ATF7: variants seen among roughly 807,000 people sequenced by gnomAD.
ATF7 encodes the protein activating transcription factor 7.
ATF7 carries 10 observed loss-of-function variants against 50.4 expected under a neutral mutation model. The ratio of observed to expected loss-of-function variants is 0.20; its 90% CI spans 0.12 to 0.34. The LOEUF is 0.34. ATF7 is among the 10% of genes least tolerant of loss of function. The probability of loss-of-function intolerance (pLI) is 1.00; values close to 1 mark genes in which losing one functional copy is unlikely to be tolerated. For synonymous variants in ATF7, 201 were observed against 226.4 expected (o/e 0.89, Z 1.01); for missense variants, 465 against 613.9 (o/e 0.76, Z 2.56).
chr12:53,590,935 T>C (rs1592944128), intron 2 of ATF7, among the ~76,000 whole-genome samples: 1 of 152,308 alleles, frequency 6.6e-6, no homozygotes, highest in South Asian at 2.1e-4. Flanking sequence ...TTCCATATGG[T>C]ATTGTTATAG....
downstream of ATF7, among the ~76,000 whole-genome samples, chr12:53,509,776 G>T (rs917800116): frequency 1.3e-5 from 2 of 152,076 alleles, no homozygotes; most frequent in Non-Finnish European, 2.9e-5. Flanking sequence ...AAAGTGTTGG[G>T]ATTACAGGCG....
At chr12:53,510,211 G>A (rs537221807), downstream of ATF7, among the ~76,000 whole-genome samples, 1 of 151,902 alleles carries the variant, frequency 6.6e-6, no homozygotes, top group East Asian at 1.9e-4. Flanking sequence ...GGCTAGTTTT[G>A]TATTTTTAGT....
At chr12:53,588,115 G>A (rs1481297245) in intron 2 of ATF7, among the ~76,000 whole-genome samples, 1 of 151,994 alleles carries the variant, frequency 6.6e-6, no homozygotes, top group Non-Finnish European at 1.5e-5. Context: ...CTCCCAATGT[G>A]CTGGGATTTC....
At chr12:53,546,262 T>C (rs7972401) in intron 3 of ATF7, among the ~76,000 whole-genome samples, 83,400 of 151,574 alleles carry the variant, frequency 0.55, 23,700 homozygotes, top group East Asian at 0.96. Context: ...GTGGTACATG[T>C]CTGTGATCCT....
chr12:53,532,629 T>C lies in ATF7; in HGVS notation c.661-6A>G. ...ATGGACACAGGTCTGGCCAGCTGGA[T>C]CGAGAGAAGGAAAAAAAAAAAAAGA... On this transcript the variant is annotated splice_polypyrimidine_tract_variant and splice_region_variant and intron_variant, in intron 7 of 11. Transcript: ENST00000420353. 1 of 1,545,484 alleles carries C rather than the reference T, an allele frequency of 6.5e-7. No homozygotes were observed. Among genetic ancestry groups the C allele is most frequent in the Non-Finnish European group, 8.7e-7 (1 of 1,143,626 alleles).
intron 9 of ATF7, among the ~76,000 whole-genome samples, chr12:53,529,502 AT>A (rs1555216801): frequency 2.7e-5 from 4 of 146,338 alleles, no homozygotes; most frequent in African/African-American, 2.5e-5. Context: ...CGCCTGGCTA[AT>A]TTTTTTTGTA....
At chr12:53,535,665 T>C (rs1939178144) in intron 5 of ATF7, among the ~76,000 whole-genome samples, 1 of 152,206 alleles carries the variant, frequency 6.6e-6, no homozygotes, top group African/African-American at 2.4e-5. Context: ...TTAAAAATAG[T>C]ACTTCATGAA....
At chr12:53,539,280 G>C (rs551015536) in intron 4 of ATF7, among the ~76,000 whole-genome samples, 5 of 152,166 alleles carry the variant, frequency 3.3e-5, no homozygotes, top group African/African-American at 1.2e-4. Context: ...AATAAATTGG[G>C]TATAAAATCC....
At chr12:53,525,253 T>C (rs1938374611) in intron 9 of ATF7, among the ~76,000 whole-genome samples, 1 of 152,200 alleles carries the variant, frequency 6.6e-6, no homozygotes, top group Admixed American at 6.5e-5. Flanking sequence ...CTTGGGAGGC[T>C]GAGGCAGGAG....
At position 53,601,106 on chromosome 12, in the gene ATF7, T is replaced by C. The variant is rs1240643331; in HGVS notation, c.-21-85A>G. ...AAAAGTGCTTCAAAAATATCAACCC[T>C]AGAAACAGGTGTTCCACGAATGCCA... On this transcript the variant is annotated intron_variant, in intron 1 of 11. Coordinates refer to ENST00000420353, the MANE Select transcript of ATF7 (RefSeq NM_006856.3). 20 of 980,800 alleles carry C rather than the reference T, an allele frequency of 2.0e-5. No individual in the cohort carries two copies. In the Admixed American group the frequency reaches 5.1e-4, roughly 25 times the overall value. The allele number at this position is 980,800 out of a possible 1,614,324, so 60.8% of individuals were successfully genotyped here. A position where few individuals can be genotyped will look rare whatever the true frequency, so the allele number is the denominator to read the frequency against.
intron 3 of ATF7, among the ~76,000 whole-genome samples, chr12:53,549,812 C>T (rs924449986): frequency 4.6e-5 from 7 of 151,992 alleles, no homozygotes; most frequent in Non-Finnish European, 7.4e-5. Flanking sequence ...TCTCGAACTC[C>T]TGATCTTGTG....
chr12:53,531,447 C>A (rs563961562), intron 9 of ATF7, among the ~76,000 whole-genome samples: 4 of 149,406 alleles, frequency 2.7e-5, no homozygotes, highest in African/African-American at 9.8e-5. Context: ...AAAGCGAGGC[C>A]GCTGCTGCAA....
chr12:53,594,895 A>T (rs969617466), intron 2 of ATF7, among the ~76,000 whole-genome samples: 9 of 151,776 alleles, frequency 5.9e-5, no homozygotes, highest in Non-Finnish European at 1.3e-4. Flanking sequence ...CTCAAAAAAA[A>T]AAAAAGAAAA....
At chr12:53,582,702 C>T (rs903362656) in intron 2 of ATF7, among the ~76,000 whole-genome samples, 3 of 152,136 alleles carry the variant, frequency 2.0e-5, no homozygotes, top group Admixed American at 6.5e-5. Context: ...CCTCAGCCTC[C>T]GGAGTAGCTG....
chr12:53,604,490 G>A (rs1943525795), intron 1 of ATF7, among the ~76,000 whole-genome samples: 1 of 152,114 alleles, frequency 6.6e-6, no homozygotes, highest in Non-Finnish European at 1.5e-5. Context: ...GACTAAGCAT[G>A]GAGTCTGTCA....
chr12:53,582,617 C>T (rs527357108), intron 2 of ATF7, among the ~76,000 whole-genome samples: 6 of 152,294 alleles, frequency 3.9e-5, no homozygotes, highest in Admixed American at 1.3e-4. Flanking sequence ...CTCGTTCTGT[C>T]GCCCAGGCTG....
At chr12:53,605,535 A>G (rs1943568404) in intron 1 of ATF7, among the ~76,000 whole-genome samples, 1 of 152,236 alleles carries the variant, frequency 6.6e-6, no homozygotes, top group Admixed American at 6.5e-5. Flanking sequence ...ACAGTGCCAT[A>G]TGCCCTAGGC....
At chr12:53,614,781 G>C (rs922316702) in intron 1 of ATF7, among the ~76,000 whole-genome samples, 7 of 152,182 alleles carry the variant, frequency 4.6e-5, no homozygotes. Flanking sequence ...CAAAAAATAA[G>C]TTAAAGAAAA....
At chr12:53,531,581 T>C (rs1000135108) in intron 9 of ATF7, among the ~76,000 whole-genome samples, 163 bp downstream of exon 9, 1 of 152,208 alleles carries the variant, frequency 6.6e-6, no homozygotes, top group African/African-American at 2.4e-5. Flanking sequence ...ATAAAAAGAA[T>C]GGTACGTTTT....
Sources: allele counts gnomAD v4.1 joint callset (sites outside exome capture counted in the v4.1 genomes callset), GRCh38; gene constraint gnomAD v4.1.1; transcripts MANE v1.5; gene names NCBI Gene and HGNC (gene_info 2026-07-23, HGNC 2026-07-21).